Variants in DNMT1 observed in about 807,000 individuals in gnomAD.
The protein encoded by DNMT1 is DNA (cytosine-5)-methyltransferase 1.
In DNMT1, 24 loss-of-function variants were observed where a neutral mutation model predicts 205.3. The ratio of observed to expected loss-of-function variants is 0.12; its 90% CI spans 0.08 to 0.16. DNMT1 has a LOEUF of 0.16. Ranked by LOEUF, DNMT1 falls within the 10% of genes least tolerant of loss-of-function variation. DNMT1 has a pLI of 1.00. For synonymous variants in DNMT1, 817 were observed against 839.8 expected (o/e 0.97, Z 0.47); for missense variants, 1,293 against 2,177.7 (o/e 0.59, Z 8.09).
intron 1 of DNMT1, among the ~76,000 whole-genome samples, chr19:10,191,925 G>A (rs1220738428): frequency 4.6e-5 from 7 of 151,908 alleles, no homozygotes; most frequent in South Asian, 2.1e-4. Context: ...GGGTTCAAGC[G>A]ATTATCCTGC....
chr19:10,136,008 T>TGC lies in DNMT1; in HGVS notation c.4656+111_4656+112dup, dbSNP rs199508695. ...GGAGGGGCAGGAGGCAGAGGCCAGG[T>TGC]GCCTGGGGTCCTGGGGTGCTGTCCC... On this transcript the variant is annotated intron_variant, in intron 38 of 40. Transcript: ENST00000359526. 4,060 of 1,524,286 alleles carry TGC rather than the reference T, an allele frequency of 2.7e-3. 75 individuals carry two copies. The African/African-American group carries it at 0.048, about 18-fold the overall frequency. The allele number at this position is 1,524,286 out of a possible 1,614,324, so 94.4% of individuals were successfully genotyped here.
intron 2 of DNMT1, among the ~76,000 whole-genome samples, chr19:10,181,532 TAA>T (rs61381728): frequency 2.8e-4 from 40 of 145,038 alleles, no homozygotes; most frequent in Admixed American, 4.2e-4. Context: ...TGAGATTGGT[TAA>T]AAAAAAAAAA....
chr19:10,186,838 C>CAAAAAAAAA (rs35238334), intron 1 of DNMT1, among the ~76,000 whole-genome samples: 9 of 70,684 alleles, frequency 1.3e-4, no homozygotes, highest in African/African-American at 2.4e-4. Context: ...AACTCCGTCT[C>CAAAAAAAAA]AAAAAAAAAA....
At chr19:10,160,487 T>TTAAGAACTTTGTATAAGTGA in intron 13 of DNMT1, 69 bp from the exon 14 acceptor site, 1 of 1,551,030 alleles carries the variant, frequency 6.4e-7, no homozygotes, top group Non-Finnish European at 8.9e-7. Flanking sequence ...TGCTTCGGTG[T>TTAAGAACTTTGTATAAGTGA]TAAGAACTTT....
chr19:10,173,219 C>G lies in DNMT1; in HGVS notation c.684-45G>C, dbSNP rs747559310. The G allele has an allele frequency of 1.9e-6, 3 of 1,602,682 alleles. 1 individual carries two copies. The South Asian group carries it at 3.3e-5, about 18-fold the overall frequency. ...AGACCCCAAGTGTGAGTGCCAGGAG[C>G]TTCCCCAAAGAAGCAGTTTTCATAA... On this transcript the variant is annotated intron_variant, in intron 8 of 40. Transcript: ENST00000359526.
chr19:10,163,121 C>T, intron 12 of DNMT1: 1 of 640,790 alleles, frequency 1.6e-6, no homozygotes, highest in East Asian at 2.7e-5. Context: ...GCCACCACAC[C>T]CAGCTAATTT....
intron 17 of DNMT1, among the ~76,000 whole-genome samples, chr19:10,157,695 A>G (rs1232736970): frequency 6.6e-6 from 1 of 152,168 alleles, no homozygotes; most frequent in Admixed American, 6.6e-5. Flanking sequence ...CCTCCTGCGG[A>G]GCTCCCCTAC....
At chr19:10,162,332 C>T (rs551600313) in intron 13 of DNMT1, among the ~76,000 whole-genome samples, 2 of 151,042 alleles carry the variant, frequency 1.3e-5, no homozygotes, top group East Asian at 2.0e-4. Flanking sequence ...GCCTGGAGTG[C>T]GATCTCGGCT....
chr19:10,135,481 T>C (rs1256885045), intron 39 of DNMT1: 1 of 529,882 alleles, frequency 1.9e-6, no homozygotes, highest in South Asian at 2.0e-5. Flanking sequence ...CCTGCTCCTT[T>C]AGCGCGACGG....
chr19:10,137,929 G>A lies in DNMT1; in HGVS notation c.4196C>T (p.Ala1399Val). ...CTCCCCGTTGTAGGAGATCTCCAGTGCCGAGGCTCCATTCCGCACCTCCGG... is the reference window on the plus strand; with the variant it reads ...CTCCCCGTTGTAGGAGATCTCCAGTACCGAGGCTCCATTCCGCACCTCCGG... ...DLPEVRNGASALEISYNGEPQ... is the reference protein window; with the variant it reads ...DLPEVRNGASVLEISYNGEPQ... The change falls in exon 36 of 41, where the codon GCA becomes GTA. Residue 1399 changes from alanine (A) to valine (V), a missense_variant. Around this residue, in one of 13 missense-constraint regions of DNMT1, gnomAD observed 148 missense variants for 256.1 expected, o/e 0.58. Transcript: ENST00000359526. This position sits in a 1 kb window ranked among gnomAD's most constrained non-coding sequence, Gnocchi z 6.4. The A allele has an allele frequency of 6.2e-7, 1 of 1,612,682 alleles. No homozygotes were observed. The highest frequency in any genetic ancestry group is 1.1e-5 in the South Asian group (1 of 90,732).
At chr19:10,164,913 T>TAAAAAAAAAA (rs535161745) in intron 11 of DNMT1, among the ~76,000 whole-genome samples, 2 of 34,046 alleles carry the variant, frequency 5.9e-5, no homozygotes, top group Non-Finnish European at 9.6e-5. Context: ...GAGACTATCT[T>TAAAAAAAAAA]AAAAAAAAAA....
intron 1 of DNMT1, among the ~76,000 whole-genome samples, chr19:10,193,873 T>G (rs1396095759): frequency 6.6e-6 from 1 of 152,138 alleles, no homozygotes; most frequent in Admixed American, 6.6e-5. Flanking sequence ...ACACCTCACT[T>G]GAACAAGTTT....
intron 28 of DNMT1, among the ~76,000 whole-genome samples, chr19:10,145,466 T>C (rs1371267009): frequency 1.4e-5 from 2 of 146,234 alleles, no homozygotes; most frequent in African/African-American, 2.4e-5. Flanking sequence ...CGGGAAGGCA[T>C]CTGGAAAACG....
chr19:10,180,986 T>C, intron 2 of DNMT1, 101 bp from the exon 3 acceptor site: 1 of 925,190 alleles, frequency 1.1e-6, no homozygotes, highest in Non-Finnish European at 1.7e-6. Flanking sequence ...TCACAATGAG[T>C]GAATGGCAGG....
Position 10,150,924 on chromosome 19 carries a change from T to A in DNMT1, c.2265+474A>T, listed in dbSNP as rs199904043. On this transcript the variant is annotated intron_variant, in intron 24 of 40. Transcript: ENST00000359526. Reference sequence around the variant, plus strand: ...CTGGGCAACATGATGAAACCCCGTCTCTACTAAAAATACAAAAAAAGTTAG... The same window carrying A: ...CTGGGCAACATGATGAAACCCCGTCACTACTAAAAATACAAAAAAAGTTAG... Among the ~76,000 whole-genome samples the A allele has an allele frequency of 7.2e-5, 11 of 152,208 alleles. No individual in the cohort carries two copies. In the East Asian group the frequency reaches 1.9e-3, roughly 27 times the overall value.
intron 17 of DNMT1, among the ~76,000 whole-genome samples, chr19:10,158,891 C>G (rs1230750400): frequency 1.3e-5 from 2 of 152,176 alleles, no homozygotes; most frequent in Non-Finnish European, 1.5e-5. Flanking sequence ...CTCTCACAGG[C>G]CATCAAGGTC....
At chr19:10,155,785 C>T in intron 19 of DNMT1, 68 bp downstream of exon 19, 1 of 1,511,940 alleles carries the variant, frequency 6.6e-7, no homozygotes, top group Non-Finnish European at 9.1e-7. Context: ...GCCCCGTCAG[C>T]CCCCAGGAAG....
At chr19:10,185,057 C>T (rs1402855597) in intron 1 of DNMT1, among the ~76,000 whole-genome samples, 1 of 152,204 alleles carries the variant, frequency 6.6e-6, no homozygotes, top group African/African-American at 2.4e-5. Flanking sequence ...GGCCCTGCTC[C>T]AGGCAAAGAG....
In DNMT1 at chr19:10,154,269, G is replaced by A. The variant is rs377679212; in HGVS notation, c.2019+24C>T. The A allele has an allele frequency of 3.0e-5, 48 of 1,613,014 alleles. No homozygotes were observed. The highest frequency in any genetic ancestry group is 2.7e-4 in the East Asian group (12 of 44,890). ...AGAGGCTGGGCCACCTTAGGGGAGC[G>A]GGAGCACCCACAGGTGAGGTTACCT... On this transcript the variant is annotated intron_variant, in intron 22 of 40. Coordinates refer to ENST00000359526, the MANE Select transcript of DNMT1 (RefSeq NM_001130823.3). This position sits in a 1 kb window ranked among gnomAD's most constrained non-coding sequence, Gnocchi z 6.3.
Sources: gnomAD v4.1 joint callset for allele counts (sites outside exome capture counted in the v4.1 genomes callset) on GRCh38, gnomAD v4.1.1 for gene constraint, gnomAD v4.1.1 regional missense constraint, Gnocchi (gnomAD v3.1) non-coding constraint, MANE v1.5 for transcripts, NCBI Gene and HGNC (gene_info 2026-07-23, HGNC 2026-07-21) for gene names.